ADH1C: variants seen among roughly 807,000 people sequenced by gnomAD.
ADH1C encodes the protein alcohol dehydrogenase 1C.
A neutral mutation model predicts 35.0 loss-of-function variants in ADH1C; 26 were observed. The ratio of observed to expected loss-of-function variants is 0.74; its 90% CI spans 0.54 to 1.03. The LOEUF (loss-of-function observed/expected upper bound fraction) is 1.03. Among genes scored for constraint, ADH1C ranks in the 50% least tolerant of loss-of-function variants. The pLI, the probability that ADH1C is intolerant of heterozygous loss-of-function variation, is 0.00. For synonymous variants in ADH1C, 170 were observed against 169.3 expected, an observed-to-expected ratio of 1.00 and a Z score of -0.03; for missense variants, 413 against 465.4, an observed-to-expected ratio of 0.89 and a Z score of 1.04.
chr4:99,339,586 G>C lies in ADH1C; in HGVS notation c.1094C>G (p.Ser365Cys). Residue 365 changes from serine (S) to cysteine (C), a missense_variant, in exon 8 of 9, where the codon TCT (serine) becomes TGT (cysteine). Physicochemically the swap from Ser to Cys is moderately radical, Grantham distance 112. Transcript: ENST00000515683. The part of the protein sequence containing the change: ...KINEGFDLLR[S>C]GKSIRTVLTF ...ACAACTTAAAATCTACCTCTTTCCA[G>C]AGCGAAGCAGGTCAAATCCTTCATT... 1.3e-6 allele frequency: 2 copies of C among 1,583,508 alleles called. No homozygotes were observed. The highest frequency in any genetic ancestry group is 8.6e-7 in the Non-Finnish European group (1 of 1,166,090).
At chr4:99,352,071 C>A (rs193095177) in intron 1 of ADH1C, among the ~76,000 whole-genome samples, 1 of 152,094 alleles carries the variant, frequency 6.6e-6, no homozygotes, top group African/African-American at 2.4e-5. Context: ...CCCCTTTAAA[C>A]GGAATTTGAA....
chr4:99,337,530 C>A (rs1306038204), intron 8 of ADH1C, among the ~76,000 whole-genome samples: 1 of 151,854 alleles, frequency 6.6e-6, no homozygotes, highest in Non-Finnish European at 1.5e-5. Flanking sequence ...TTCTATAAAC[C>A]AACTTTTGAT....
At chr4:99,352,523 T>G in intron 1 of ADH1C, 135 bp downstream of exon 1, 1 of 613,852 alleles carries the variant, frequency 1.6e-6, no homozygotes, top group Non-Finnish European at 2.6e-6. Flanking sequence ...CTAATTTAGA[T>G]ATGAATTTTA....
intron 8 of ADH1C, 55 bp downstream of exon 8, chr4:99,339,522 C>T (rs561222871): frequency 0.076 from 91,342 of 1,198,952 alleles, 10,063 homozygotes; most frequent in Admixed American, 0.32. Flanking sequence ...GCCCCCCCCC[C>T]CCCCGCCGCT....
At chr4:99,344,483 C>A (rs572829314) in intron 5 of ADH1C, among the ~76,000 whole-genome samples, 1 of 152,122 alleles carries the variant, frequency 6.6e-6, no homozygotes, top group Non-Finnish European at 1.5e-5. Flanking sequence ...CAAGGGCAAA[C>A]GCTTCATTTC....
At chr4:99,348,466 T>C (rs1232878162) in intron 1 of ADH1C, among the ~76,000 whole-genome samples, 1 of 151,710 alleles carries the variant, frequency 6.6e-6, no homozygotes, top group Non-Finnish European at 1.5e-5. Context: ...TCATCATTTT[T>C]TATGGCTGCA....
In ADH1C at chr4:99,350,372, G is replaced by A. The variant is rs945270962; in HGVS notation, c.18+2286C>T. Among the ~76,000 whole-genome samples the A allele has an allele frequency of 6.6e-5, 10 of 152,092 alleles. No individual in the cohort carries two copies. In the East Asian group the frequency reaches 9.6e-4, roughly 15 times the overall value. Reference sequence around the variant, plus strand: ...TTGAGATTTGCTGCATGTGTCACCCGAGCAGTGTACACTGTATCCAACGTG... The same window carrying A: ...TTGAGATTTGCTGCATGTGTCACCCAAGCAGTGTACACTGTATCCAACGTG... On this transcript the variant is annotated intron_variant, in intron 1 of 8. Transcript: ENST00000515683.
At chr4:99,351,411 T>A (rs565668122) in intron 1 of ADH1C, among the ~76,000 whole-genome samples, 4 of 152,304 alleles carry the variant, frequency 2.6e-5, no homozygotes, top group South Asian at 4.1e-4. Flanking sequence ...GTCAAAAAGC[T>A]AAGTTATTGA....
intron 2 of ADH1C, among the ~76,000 whole-genome samples, 162 bp downstream of exon 2, chr4:99,347,582 TA>T (rs1245526678): frequency 7.0e-6 from 1 of 142,448 alleles, no homozygotes; most frequent in Non-Finnish European, 1.6e-5. Flanking sequence ...TTGCCCACTT[TA>T]AAAAAATTTA....
chr4:99,345,271 A>C lies in ADH1C; in HGVS notation c.260-5T>G, dbSNP rs1377012486. 2.5e-6 allele frequency: 4 copies of C among 1,611,524 alleles called. No individual in the cohort carries two copies. The highest frequency in any genetic ancestry group is 3.4e-6 in the Non-Finnish European group (4 of 1,178,286). The stretch of plus-strand genomic sequence containing the variant: ...AGAGCGGGATGACTTTATCACCTGC[A>C]GAGGAATAAAACAAATTCTTCTTAA... On this transcript the variant is annotated splice_polypyrimidine_tract_variant and splice_region_variant and intron_variant, in intron 3 of 8. Transcript: ENST00000515683.
At chr4:99,340,292 T>G (rs1415031918) in intron 7 of ADH1C, among the ~76,000 whole-genome samples, 1 of 152,120 alleles carries the variant, frequency 6.6e-6, no homozygotes, top group East Asian at 1.9e-4. Context: ...TGCATGCCTG[T>G]AATCCCAGCT....
At chr4:99,346,924 T>A (rs1163216129) in intron 3 of ADH1C, 82 bp downstream of exon 3, 1 of 1,552,740 alleles carries the variant, frequency 6.4e-7, no homozygotes, top group African/African-American at 1.4e-5. Flanking sequence ...CTTTCGTCTT[T>A]CATTGCCTCG....
At chr4:99,337,855 G>T (rs1261071241) in intron 8 of ADH1C, among the ~76,000 whole-genome samples, 1 of 151,864 alleles carries the variant, frequency 6.6e-6, no homozygotes, top group Non-Finnish European at 1.5e-5. Flanking sequence ...TTAAGAATTT[G>T]CCAATGAAGT....
At chr4:99,337,099 A>C (rs1473150154) in intron 8 of ADH1C, among the ~76,000 whole-genome samples, 1 of 152,202 alleles carries the variant, frequency 6.6e-6, no homozygotes, top group African/African-American at 2.4e-5. Flanking sequence ...ATAAAATAAC[A>C]ATAGATAATA....
intron 6 of ADH1C, 80 bp downstream of exon 6, chr4:99,342,715 C>T: frequency 1.3e-6 from 2 of 1,576,766 alleles, no homozygotes; most frequent in East Asian, 2.2e-5. Flanking sequence ...ATCCTTTATA[C>T]ATAATACGTA....
Position 99,336,548 on chromosome 4 carries a change from CTT to C in ADH1C, c.*202_*203del. On this transcript the variant is annotated 3_prime_UTR_variant, in exon 9 of 9. Transcript: ENST00000515683. ...TCAATTCCCCAGTTGATGTTCAACA[CTT>C]TATTTAGTTCTCATTTGGATTTTAA... The C allele has an allele frequency of 1.5e-6, 1 of 668,496 alleles. No homozygotes were observed. The highest frequency in any genetic ancestry group is 2.5e-6 in the Non-Finnish European group (1 of 394,770). 41.4% of individuals were successfully genotyped at this position (668,496 alleles called of 1,614,324 possible). A position where few individuals can be genotyped will look rare whatever the true frequency, so the allele number is the denominator to read the frequency against.
At chr4:99,348,868 T>C (rs1311291964) in intron 1 of ADH1C, among the ~76,000 whole-genome samples, 1 of 152,140 alleles carries the variant, frequency 6.6e-6, no homozygotes, top group African/African-American at 2.4e-5. Context: ...TGCATTTCTC[T>C]GATGGCCAGT....
chr4:99,339,541 A>C, intron 8 of ADH1C, 36 bp downstream of exon 8: 3 of 1,440,052 alleles, frequency 2.1e-6, no homozygotes, highest in African/African-American at 1.5e-5. Context: ...CTACTGTAGA[A>C]TACAAAGCAA....
chr4:99,341,826 C>T (rs576528519), intron 6 of ADH1C, among the ~76,000 whole-genome samples: 17 of 152,136 alleles, frequency 1.1e-4, no homozygotes, highest in African/African-American at 3.9e-4. Flanking sequence ...ATAAGCACTG[C>T]AAGATTGGAA....
Sources: gnomAD v4.1 joint callset for allele counts (sites outside exome capture counted in the v4.1 genomes callset) on GRCh38, gnomAD v4.1.1 for gene constraint, MANE v1.5 for transcripts, NCBI Gene and HGNC (gene_info 2026-07-23, HGNC 2026-07-21) for gene names.